The following SNAPC1 variants were observed in gnomAD, a reference collection of about 807,000 sequenced individuals.
SNAPC1 encodes the protein small nuclear RNA activating complex polypeptide 1, also known as snRNA-activating protein complex subunit 1.
SNAPC1 carries 42 observed loss-of-function variants against 50.1 expected under a neutral mutation model. The ratio of observed to expected loss-of-function variants is 0.84; its 90% CI spans 0.65 to 1.08. The LOEUF is 1.08. Ranked by LOEUF, SNAPC1 falls within the 50% of genes least tolerant of loss-of-function variation. SNAPC1 has a pLI of 0.00. For synonymous variants in SNAPC1, 164 were observed against 144.2 expected (o/e 1.14, Z -0.98); for missense variants, 477 against 427.3 (o/e 1.12, Z -1.02).
chr14:61,768,482 T>TGGAAC (rs1485880546), intron 3 of SNAPC1, among the ~76,000 whole-genome samples, 154 bp from the exon 4 acceptor site: 1 of 152,240 alleles, frequency 6.6e-6, no homozygotes, highest in Non-Finnish European at 1.5e-5. Flanking sequence ...TAACAGTCTT[T>TGGAAC]GGAACGTGGA....
chr14:61,787,395 GT>G (rs11394957), intron 8 of SNAPC1, among the ~76,000 whole-genome samples: 2 of 138,500 alleles, frequency 1.4e-5, no homozygotes, highest in African/African-American at 5.6e-5. Flanking sequence ...AGATTAAAAT[GT>G]TTTTTTTTTT....
At chr14:61,768,549 C>T (rs971227078) in intron 3 of SNAPC1, 87 bp from the exon 4 acceptor site, 1 of 712,340 alleles carries the variant, frequency 1.4e-6, no homozygotes, top group South Asian at 1.9e-5. Context: ...TACTTATAGA[C>T]AATTTTTAGT....
At chr14:61,763,504 TTTC>T (rs2044924314) in intron 1 of SNAPC1, among the ~76,000 whole-genome samples, 1 of 110,978 alleles carries the variant, frequency 9.0e-6, no homozygotes. Context: ...TTTTTTTTTT[TTTC>T]TTTGGGCCCT....
intron 4 of SNAPC1, among the ~76,000 whole-genome samples, chr14:61,769,650 G>A (rs1430396073): frequency 7.9e-5 from 12 of 152,158 alleles, no homozygotes; most frequent in Admixed American, 2.0e-4. Flanking sequence ...GCCCACCTCT[G>A]TCTCCCAAAG....
chr14:61,781,338 A>G (rs2045070310), intron 7 of SNAPC1, among the ~76,000 whole-genome samples: 1 of 151,064 alleles, frequency 6.6e-6, no homozygotes, highest in Non-Finnish European at 1.5e-5. Flanking sequence ...AGTCCCAGCT[A>G]CTCGGGAGGC....
chr14:61,784,464 A>T (rs530377425), intron 8 of SNAPC1, among the ~76,000 whole-genome samples: 18 of 107,550 alleles, frequency 1.7e-4, no homozygotes, highest in Admixed American at 5.8e-4. Flanking sequence ...TTCTTGATTT[A>T]AAAAAAAAAA....
intron 7 of SNAPC1, among the ~76,000 whole-genome samples, chr14:61,779,582 T>G (rs1000252268): frequency 2.6e-5 from 4 of 151,980 alleles, no homozygotes; most frequent in Admixed American, 2.6e-4. Flanking sequence ...AAATGTATTT[T>G]TCTTTTTCAC....
In SNAPC1 at chr14:61,776,191, G is replaced by A. The variant is rs1362633223; in HGVS notation, c.631G>A (p.Asp211Asn). 1 of 1,612,734 alleles carries A rather than the reference G, an allele frequency of 6.2e-7. No individual in the cohort carries two copies. The highest frequency in any genetic ancestry group is 1.3e-5 in the African/African-American group (1 of 75,002). ...PDKALSLIKD[D>N]FFDNIKNIVL... ...TAAAGCCCTCAGCTTGATAAAGGAT[G>A]ATTTTTTTGACAATATTAAGAACAT... Residue 211 changes from aspartate (D) to asparagine (N), a missense_variant, in exon 5 of 10, where the codon GAT becomes AAT. Coordinates refer to ENST00000216294, the MANE Select transcript of SNAPC1 (RefSeq NM_003082.4).
chr14:61,777,048 T>G (rs1331728228), intron 5 of SNAPC1, among the ~76,000 whole-genome samples: 1 of 152,220 alleles, frequency 6.6e-6, no homozygotes, highest in Non-Finnish European at 1.5e-5. Context: ...AGTAAGCAAT[T>G]TCTGATTACT....
intron 7 of SNAPC1, among the ~76,000 whole-genome samples, chr14:61,780,856 T>C (rs2045066512): frequency 6.6e-6 from 1 of 151,800 alleles, no homozygotes; most frequent in Non-Finnish European, 1.5e-5. Context: ...TCTGCATCCA[T>C]GGATTGAACC....
chr14:61,762,520 G>C lies in SNAPC1; in HGVS notation c.60G>C (p.Glu20Asp). The change falls in exon 1 of 10, where the codon GAG becomes GAC. Residue 20 changes from glutamate to aspartate, a missense_variant. Transcript: ENST00000216294. ...AGGCGCTGCTCAGCCGCTTCCAGGAGACGGACAGTGTACGCTTCGAGGACT... is the reference window on the plus strand; with the variant it reads ...AGGCGCTGCTCAGCCGCTTCCAGGACACGGACAGTGTACGCTTCGAGGACT... ...DCEALLSRFQ[E>D]TDSVRFEDFT... 6.9e-7 allele frequency: 1 copy of C among 1,448,252 alleles called. No individual in the cohort carries two copies. The highest frequency in any genetic ancestry group is 9.1e-7 in the Non-Finnish European group (1 of 1,097,012). 89.7% of individuals were successfully genotyped at this position (1,448,252 alleles called of 1,614,324 possible).
chr14:61,764,172 G>A (rs1477763456), intron 1 of SNAPC1, among the ~76,000 whole-genome samples: 1 of 152,106 alleles, frequency 6.6e-6, no homozygotes, highest in East Asian at 1.9e-4. Flanking sequence ...TATTACTACC[G>A]TTTTAAAATT....
intron 8 of SNAPC1, among the ~76,000 whole-genome samples, chr14:61,789,276 A>G (rs1295336221): frequency 1.3e-5 from 2 of 151,860 alleles, no homozygotes; most frequent in Admixed American, 6.6e-5. Context: ...TTATGAAAGT[A>G]TATCCAAAAT....
chr14:61,790,043 A>G (rs2045141074), intron 8 of SNAPC1, among the ~76,000 whole-genome samples: 1 of 152,208 alleles, frequency 6.6e-6, no homozygotes, highest in African/African-American at 2.4e-5. Flanking sequence ...GTGAGACAAG[A>G]ATGCTTAATG....
intron 4 of SNAPC1, among the ~76,000 whole-genome samples, chr14:61,774,544 A>G (rs777195232): frequency 6.6e-6 from 1 of 151,996 alleles, no homozygotes; most frequent in Non-Finnish European, 1.5e-5. Context: ...AGTATAGCCA[A>G]TGTAAACTGT....
chr14:61,782,248 CATCCAA>C lies in SNAPC1; in HGVS notation c.831_836del (p.Lys278_Ser279del). On this transcript the variant is annotated inframe_deletion and splice_region_variant, in exon 8 of 10. Coordinates refer to ENST00000216294, the MANE Select transcript of SNAPC1 (RefSeq NM_003082.4). The stretch of plus-strand genomic sequence containing the variant: ...GTTAATTGGATTGTAACTCTTAAGG[CATCCAA>C]ATCAAGAAGGCATCGTCAAGTCAAA... The C allele has an allele frequency of 1.9e-6, 3 of 1,584,928 alleles. No homozygotes were observed. The highest frequency in any genetic ancestry group is 2.6e-6 in the Non-Finnish European group (3 of 1,169,192).
chr14:61,787,334 A>G lies in SNAPC1; in HGVS notation c.976+4937A>G, dbSNP rs572507512. Reference sequence around the variant, plus strand: ...CCAAACACGAACAAAAAGAGAGGACATAAGGAAAAGATTGTTTAGTTTGAT... The same window carrying G: ...CCAAACACGAACAAAAAGAGAGGACGTAAGGAAAAGATTGTTTAGTTTGAT... On this transcript the variant is annotated intron_variant, in intron 8 of 9. Coordinates refer to ENST00000216294, the MANE Select transcript of SNAPC1 (RefSeq NM_003082.4). Among the ~76,000 whole-genome samples, 29 of 152,354 alleles carry G rather than the reference A, an allele frequency of 1.9e-4. No individual in the cohort carries two copies. The South Asian group carries it at 6.0e-3, about 32-fold the overall frequency.
At chr14:61,773,881 G>C (rs955824277) in intron 4 of SNAPC1, among the ~76,000 whole-genome samples, 1 of 151,412 alleles carries the variant, frequency 6.6e-6, no homozygotes, top group African/African-American at 2.4e-5. Context: ...CTAATTTTTT[G>C]TATTTTTAGT....
chr14:61,771,023 T>C (rs2140176425), intron 4 of SNAPC1, among the ~76,000 whole-genome samples: 1 of 152,286 alleles, frequency 6.6e-6, no homozygotes, highest in East Asian at 1.9e-4. Flanking sequence ...ATTACAGACA[T>C]GAGCCACCCC....
Sources: allele counts gnomAD v4.1 joint callset (sites outside exome capture counted in the v4.1 genomes callset), GRCh38; gene constraint gnomAD v4.1.1; transcripts MANE v1.5; gene names NCBI Gene and HGNC (gene_info 2026-07-23, HGNC 2026-07-21).